The following ANAPC4 variants were observed in gnomAD, a reference collection of about 807,000 sequenced individuals.
The protein encoded by ANAPC4 is anaphase promoting complex subunit 4.
A neutral mutation model predicts 119.8 loss-of-function variants in ANAPC4; 63 were observed. That is an observed-to-expected ratio of 0.53 (90% CI 0.43 to 0.65). ANAPC4 has a LOEUF of 0.65. ANAPC4 is among the 30% of genes least tolerant of loss of function. The pLI is 0.00. For synonymous variants in ANAPC4, 283 were observed against 318.6 expected (o/e 0.89, Z 1.19); for missense variants, 716 against 945.1 (o/e 0.76, Z 3.18).
chr4:25,388,643 C>A, intron 5 of ANAPC4, 69 bp downstream of exon 5: 3 of 1,555,808 alleles, frequency 1.9e-6, no homozygotes, highest in Non-Finnish European at 2.6e-6. Context: ...AACACTGTGA[C>A]AATTTTCTCA....
chr4:25,413,915 T>A, intron 22 of ANAPC4, 173 bp downstream of exon 22: 5 of 569,214 alleles, frequency 8.8e-6, no homozygotes, highest in Non-Finnish European at 1.2e-5. Context: ...TACTCCAACT[T>A]AAGTTTCTTA....
Position 25,377,406 on chromosome 4 carries a change from GT to G in ANAPC4, c.-10-11del. On this transcript the variant is annotated splice_polypyrimidine_tract_variant and intron_variant, in intron 1 of 28. Transcript: ENST00000315368. ...GGGCTCCTGCCGGCCTCTGACTGGG[GT>G]GTCGTTGCAGGGCCGTCCCCATGTT... 1 of 1,612,778 alleles carries G rather than the reference GT, an allele frequency of 6.2e-7. No homozygotes were observed. Among genetic ancestry groups the G allele is most frequent in the Non-Finnish European group, 8.5e-7 (1 of 1,179,226 alleles).
intron 7 of ANAPC4, 151 bp downstream of exon 7, chr4:25,389,033 C>A (rs1722192471): frequency 7.3e-6 from 5 of 687,168 alleles, no homozygotes; most frequent in Non-Finnish European, 1.2e-5. Context: ...CTCTGTCACC[C>A]AGGCTGGAGT....
At chr4:25,407,820 AG>A (rs909003560) in intron 20 of ANAPC4, among the ~76,000 whole-genome samples, 2 of 152,078 alleles carry the variant, frequency 1.3e-5, no homozygotes, top group Admixed American at 6.6e-5. Context: ...GCTTGAACCC[AG>A]GAGGTGGAGG....
Position 25,407,206 on chromosome 4 carries a change from C to A in ANAPC4, c.1384C>A (p.Leu462Ile). 6.2e-7 allele frequency: 1 copy of A among 1,605,788 alleles called. No homozygotes were observed. Among genetic ancestry groups the A allele is most frequent in the East Asian group, 2.2e-5 (1 of 44,702 alleles). Residue 462 changes from leucine (L) to isoleucine (I), a missense_variant, in exon 20 of 29, where the codon CTT (leucine) becomes ATT (isoleucine). Coordinates refer to ENST00000315368, the MANE Select transcript of ANAPC4 (RefSeq NM_013367.3). ...LTEHFNEAPD[L>I]YNRKGKYFNV... ...GTTTATTTTTTTCCAGGCTCCAGAC[C>A]TTTATAATCGAAAAGGAAAATACTT...
intron 4 of ANAPC4, among the ~76,000 whole-genome samples, chr4:25,386,928 G>C (rs774331794): frequency 6.6e-6 from 1 of 152,112 alleles, no homozygotes; most frequent in African/African-American, 2.4e-5. Flanking sequence ...AGCTCTAGAC[G>C]AGATAAATGG....
intron 2 of ANAPC4, among the ~76,000 whole-genome samples, chr4:25,379,057 A>G (rs969079550): frequency 2.0e-5 from 3 of 152,314 alleles, no homozygotes; most frequent in African/African-American, 7.2e-5. Context: ...TGGTGAGGTC[A>G]AAGAATTGGA....
rs1721485569 is a variant in ANAPC4, at chr4:25,377,638, G to C, written c.129+82G>C. ...ACACCGAGCCCGAGCCTGTTCATTCGGGCCACAGGCGGCCGGAGCCTCAGT... is the reference window on the plus strand; with the variant it reads ...ACACCGAGCCCGAGCCTGTTCATTCCGGCCACAGGCGGCCGGAGCCTCAGT... On this transcript the variant is annotated intron_variant, in intron 2 of 28. Coordinates refer to ENST00000315368, the MANE Select transcript of ANAPC4 (RefSeq NM_013367.3). 4.6e-6 allele frequency: 7 copies of C among 1,505,666 alleles called. No homozygotes were observed. In the African/African-American group the frequency reaches 6.9e-5, roughly 15 times the overall value. The allele number at this position is 1,505,666 out of a possible 1,614,324, so 93.3% of individuals were successfully genotyped here.
intron 9 of ANAPC4, 69 bp downstream of exon 9, chr4:25,391,084 C>A: frequency 8.7e-7 from 1 of 1,156,050 alleles, no homozygotes. Context: ...AGGTTTTTAT[C>A]CACATCTCAC....
rs1273005048 is a variant in ANAPC4, at chr4:25,380,422, C to T, written c.178C>T (p.Pro60Ser). 1.9e-6 allele frequency: 3 copies of T among 1,612,544 alleles called. No individual in the cohort carries two copies. Among genetic ancestry groups the T allele is most frequent in the Non-Finnish European group, 2.5e-6 (3 of 1,179,240 alleles). The change falls in exon 3 of 29, where the codon CCA (proline) becomes TCA (serine). Residue 60 changes from proline (P) to serine (S), a missense_variant. Physicochemically the swap from Pro to Ser is moderately conservative, Grantham distance 74. This residue lies in a region of ANAPC4 where 202 missense variants were observed against 293.5 expected (regional missense o/e 0.69). Transcript: ENST00000315368. ...ASFHRVWSFP[P>S]NENTGKEVTC... ...TTTTCATCGAGTTTGGAGTTTTCCA[C>T]CAAATGAAAATACAGGAAAGGAGGT...
intron 16 of ANAPC4, among the ~76,000 whole-genome samples, chr4:25,398,328 G>A (rs897897764): frequency 6.6e-6 from 1 of 152,182 alleles, no homozygotes. Context: ...TAAGGTAGGG[G>A]ATTCAACTTT....
At chr4:25,378,917 A>T (rs930683422) in intron 2 of ANAPC4, among the ~76,000 whole-genome samples, 1 of 152,212 alleles carries the variant, frequency 6.6e-6, no homozygotes, top group Non-Finnish European at 1.5e-5. Context: ...GATGAAAGAG[A>T]GTTGAAGTTA....
chr4:25,390,188 T>C lies in ANAPC4; in HGVS notation c.568T>C (p.Tyr190His), dbSNP rs1722266560. The C allele has an allele frequency of 6.2e-7, 1 of 1,613,108 alleles. No homozygotes were observed. The highest frequency in any genetic ancestry group is 8.5e-7 in the Non-Finnish European group (1 of 1,179,518). ...GSSGFIELYA[Y>H]GMFKIARVTG... ...CTCTGGATTTATTGAGCTTTATGCT[T>C]ATGGAATGTTTAAAATTGCTCGAGT... Residue 190 changes from tyrosine (Y) to histidine (H), a missense_variant, in exon 8 of 29, where the codon TAT becomes CAT. Tyr to His is a moderately conservative substitution (Grantham distance 83, BLOSUM62 2). Coordinates refer to ENST00000315368, the MANE Select transcript of ANAPC4 (RefSeq NM_013367.3).
intron 21 of ANAPC4, among the ~76,000 whole-genome samples, chr4:25,412,509 G>A (rs1229081890): frequency 6.6e-6 from 1 of 151,954 alleles, no homozygotes; most frequent in Non-Finnish European, 1.5e-5. Context: ...AAAGATGGTA[G>A]TCCTAGCACT....
In ANAPC4 at chr4:25,395,616, A is replaced by G. The variant is rs149310642; in HGVS notation, c.1061+711A>G. On this transcript the variant is annotated intron_variant, in intron 14 of 28. Coordinates refer to ENST00000315368, the MANE Select transcript of ANAPC4 (RefSeq NM_013367.3). ...AGGCGCAAACCACTACGCCTGGCTA[A>G]TTTTTGTATTTTTAGTAGAGACGGG... is the stretch of plus-strand genomic sequence containing the variant. Among the ~76,000 whole-genome samples, 1,157 of 152,020 alleles carry G rather than the reference A, an allele frequency of 7.6e-3. 53 individuals are homozygous for G. Among genetic ancestry groups the G allele is most frequent in the Admixed American group, 0.067 (1,023 of 15,276 alleles).
chr4:25,396,322 A>G (rs899731381), intron 14 of ANAPC4, among the ~76,000 whole-genome samples: 5 of 152,204 alleles, frequency 3.3e-5, no homozygotes, highest in Non-Finnish European at 7.3e-5. Flanking sequence ...ACGGTACCTG[A>G]CCCAAAATGG....
intron 4 of ANAPC4, among the ~76,000 whole-genome samples, chr4:25,383,924 T>C (rs947402130): frequency 7.9e-5 from 12 of 152,194 alleles, no homozygotes; most frequent in Non-Finnish European, 1.3e-4. Context: ...TTTCTTAACA[T>C]CAACAACAGT....
intron 10 of ANAPC4, 28 bp from the exon 11 acceptor site, chr4:25,393,777 C>T: frequency 6.9e-7 from 1 of 1,443,992 alleles, no homozygotes; most frequent in South Asian, 1.3e-5. Context: ...TATTTTTTAC[C>T]ATTTCAATTT....
At chr4:25,397,747 T>C (rs1298077711) in intron 16 of ANAPC4, among the ~76,000 whole-genome samples, 1 of 151,630 alleles carries the variant, frequency 6.6e-6, no homozygotes, top group African/African-American at 2.4e-5. Context: ...TTTATAGTTT[T>C]TTTTTTTTTT....
Sources: allele counts gnomAD v4.1 joint callset (sites outside exome capture counted in the v4.1 genomes callset), GRCh38; gene constraint gnomAD v4.1.1; regional missense constraint gnomAD v4.1.1; transcripts MANE v1.5; gene names NCBI Gene and HGNC (gene_info 2026-07-23, HGNC 2026-07-21).